The following HERC2 variants were observed in gnomAD, a reference collection of about 807,000 sequenced individuals.
HERC2 encodes the protein HECT and RLD domain containing E3 ubiquitin protein ligase 2, also known as E3 ubiquitin-protein ligase HERC2.
HERC2 carries 102 observed loss-of-function variants against 537.7 expected under a neutral mutation model. That is an observed-to-expected ratio of 0.19 (90% CI 0.16 to 0.22). The LOEUF is 0.22. Ranked by LOEUF, HERC2 falls within the 10% of genes least tolerant of loss-of-function variation. The pLI is 1.00. For synonymous variants in HERC2, 2,224 were observed against 2,466.2 expected (o/e 0.90, Z 2.91); for missense variants, 4,236 against 6,198.2 (o/e 0.68, Z 10.63).
chr15:28,173,181 C>T (rs1298425308), intron 65 of HERC2, among the ~76,000 whole-genome samples: 5 of 152,154 alleles, frequency 3.3e-5, no homozygotes, highest in East Asian at 1.9e-4. Flanking sequence ...AGAAGCTAGA[C>T]GTACACCTGC....
rs36068402 is a variant in HERC2 at position 28,129,780 on chromosome 15, C to CTTTTTTTTTTTTTTTTTTTTTT, written c.12802+382_12802+383insAAAAAAAAAAAAAAAAAAAAAA. On this transcript the variant is annotated intron_variant, in intron 83 of 92. Coordinates refer to ENST00000261609, the MANE Select transcript of HERC2 (RefSeq NM_004667.6). ...AGGACACAGTATAAGCCTCTGCCTC[C>CTTTTTTTTTTTTTTTTTTTTTT]TTTTTTTTTTTTTTTTTGAGACAGT... Among the ~76,000 whole-genome samples, 2 of 143,552 alleles carry CTTTTTTTTTTTTTTTTTTTTTT rather than the reference C, an allele frequency of 1.4e-5. 1 individual carries two copies. Among genetic ancestry groups the CTTTTTTTTTTTTTTTTTTTTTT allele is most frequent in the Non-Finnish European group, 3.0e-5 (2 of 65,892 alleles). The allele number at this position is 143,552 out of a possible 152,430, so 94.2% of individuals were successfully genotyped here. A position where few individuals can be genotyped will look rare whatever the true frequency, so the allele number is the denominator to read the frequency against.
At chr15:28,169,382 TACA>T in intron 66 of HERC2, 99 bp downstream of exon 66, 1 of 818,578 alleles carries the variant, frequency 1.2e-6, no homozygotes, top group South Asian at 1.9e-5. Flanking sequence ...AAGACAATAA[TACA>T]ACATTCTTGG....
At chr15:28,309,530 C>A (rs1435614411) in intron 2 of HERC2, among the ~76,000 whole-genome samples, 2 of 152,194 alleles carry the variant, frequency 1.3e-5, no homozygotes, top group African/African-American at 4.8e-5. Flanking sequence ...TCCCCCCGCA[C>A]CGTCCTGAAG....
chr15:28,263,794 G>A (rs992740417), intron 14 of HERC2, among the ~76,000 whole-genome samples: 1 of 152,052 alleles, frequency 6.6e-6, no homozygotes, highest in Non-Finnish European at 1.5e-5. Context: ...AACTTTGGGA[G>A]GCCAAGGCGG....
intron 37 of HERC2, 102 bp from the exon 38 acceptor site, chr15:28,218,773 G>T: frequency 9.5e-7 from 1 of 1,056,422 alleles, no homozygotes; most frequent in South Asian, 1.3e-5. Flanking sequence ...TTGTTTTATT[G>T]AAGACTTGAA....
intron 69 of HERC2, among the ~76,000 whole-genome samples, chr15:28,158,180 T>C (rs1302441099): frequency 6.6e-6 from 1 of 152,196 alleles, no homozygotes; most frequent in South Asian, 2.1e-4. Flanking sequence ...TTGGAGTAAG[T>C]GCGGTGTGGT....
chr15:28,246,699 T>C, intron 22 of HERC2, 43 bp downstream of exon 22: 2 of 1,477,674 alleles, frequency 1.4e-6, no homozygotes, highest in Non-Finnish European at 1.8e-6. Context: ...CTTTCATCTA[T>C]CTCCTAAAAT....
At chr15:28,155,290 A>T (rs1473485082) in intron 69 of HERC2, among the ~76,000 whole-genome samples, 2 of 152,040 alleles carry the variant, frequency 1.3e-5, no homozygotes, top group African/African-American at 2.4e-5. Flanking sequence ...CAGTAATGGG[A>T]TGGCTGGGTC....
At chr15:28,227,574 T>A (rs1439169284) in intron 35 of HERC2, among the ~76,000 whole-genome samples, 4 of 152,054 alleles carry the variant, frequency 2.6e-5, no homozygotes, top group Admixed American at 6.6e-5. Context: ...TATGGCACTG[T>A]GGAAAACTTT....
chr15:28,236,296 G>A (rs2346097), intron 26 of HERC2, among the ~76,000 whole-genome samples: 14 of 151,494 alleles, frequency 9.2e-5, no homozygotes, highest in African/African-American at 2.7e-4. Context: ...TGTTGAATCC[G>A]CCTCTCCTTT....
chr15:28,125,868 T>C (rs1442794467), intron 83 of HERC2, among the ~76,000 whole-genome samples: 1 of 152,168 alleles, frequency 6.6e-6, no homozygotes, highest in East Asian at 1.9e-4. Flanking sequence ...TGGAATGCAG[T>C]GGTGCGATCT....
Position 28,248,700 on chromosome 15 carries a change from A to T in HERC2, c.3087T>A (p.Asp1029Glu). 1 of 1,614,166 alleles carries T rather than the reference A, an allele frequency of 6.2e-7. No individual in the cohort carries two copies. The highest frequency in any genetic ancestry group is 8.5e-7 in the Non-Finnish European group (1 of 1,179,982). ...GACATGATGAAATCCGACGGGCAAC[A>T]TCTTTCAATCTGGCTACAGTCTGAG... ...IASQTVARLK[D>E]VARRISSCLD... The change falls in exon 21 of 93, where the codon GAT (aspartate) becomes GAA (glutamate). Residue 1029 changes from aspartate (D) to glutamate (E), a missense_variant. Physicochemically the swap from Asp to Glu is conservative, Grantham distance 45 (BLOSUM62 2). Coordinates refer to ENST00000261609, the MANE Select transcript of HERC2 (RefSeq NM_004667.6).
In HERC2 at chr15:28,192,084, G is replaced by A. The variant is rs1280009737; in HGVS notation, c.8328C>T (p.Gly2776=). ...QLKRCHSSQP[G]MLLDSWSRMV... ...TGCGGGACCAGCTGTCCAGCAGCAT[G>A]CCTGGCTGGCTGCTGTGGCAACGCT... Residue 2776 remains glycine (G), a synonymous_variant, in exon 53 of 93, where the codon GGC becomes GGT. Coordinates refer to ENST00000261609, the MANE Select transcript of HERC2 (RefSeq NM_004667.6). 1 of 1,614,016 alleles carries A rather than the reference G, an allele frequency of 6.2e-7. No homozygotes were observed. The highest frequency in any genetic ancestry group is 8.5e-7 in the Non-Finnish European group (1 of 1,179,990).
At chr15:28,137,290 C>T (rs1032478754) in intron 78 of HERC2, among the ~76,000 whole-genome samples, 3 of 152,278 alleles carry the variant, frequency 2.0e-5, no homozygotes, top group Non-Finnish European at 2.9e-5. Context: ...GCCTCTGATA[C>T]GGTTCACAAT....
At chr15:28,313,204 T>TC (rs2076992694) in intron 2 of HERC2, among the ~76,000 whole-genome samples, 1 of 138,746 alleles carries the variant, frequency 7.2e-6, no homozygotes, top group Non-Finnish European at 1.6e-5. Flanking sequence ...TTTTTTTTTT[T>TC]TTTTTTTGAG....
Position 28,117,130 on chromosome 15 carries a change from C to A in HERC2, c.13297G>T (p.Gly4433Trp). Residue 4433 changes from glycine to tryptophan, a missense_variant, in exon 87 of 93, where the codon GGG becomes TGG. Transcript: ENST00000261609. ...TTGGTGCCGTCGGGGCCGGCCAGCC[C>A]GCCTTTGCTCCTTGATCGTTTGACC... ...IQVKRSRSKG[G>W]LAGPDGTKSV... 1 of 1,613,984 alleles carries A rather than the reference C, an allele frequency of 6.2e-7. No individual in the cohort carries two copies. Among genetic ancestry groups the A allele is most frequent in the Non-Finnish European group, 8.5e-7 (1 of 1,179,984 alleles).
At position 28,294,600 on chromosome 15, in the gene HERC2, C is replaced by T. The variant is rs2346049; in HGVS notation, c.188-1578G>A. ...CCAAAGCCAAACAACCTCCTTATCG[C>T]GGAAACCCGACCCCAGCCTGCTCAT... On this transcript the variant is annotated intron_variant, in intron 3 of 92. Transcript: ENST00000261609. Among the ~76,000 whole-genome samples, 670 of 151,038 alleles carry T rather than the reference C, an allele frequency of 4.4e-3. 2 individuals are homozygous for T. Among genetic ancestry groups the T allele is most frequent in the African/African-American group, 0.015 (637 of 41,194 alleles).
At chr15:28,123,963 G>A in intron 85 of HERC2, 74 bp downstream of exon 85, 1 of 1,219,502 alleles carries the variant, frequency 8.2e-7, no homozygotes, top group East Asian at 2.6e-5. Flanking sequence ...TCTATTCCCA[G>A]TATAGGAATT....
At chr15:28,204,968 G>A (rs1036133176) in intron 45 of HERC2, among the ~76,000 whole-genome samples, 22 of 152,100 alleles carry the variant, frequency 1.4e-4, no homozygotes, top group African/African-American at 5.3e-4. Context: ...AATTTGGTAG[G>A]GGAACAAAAA....
Sources: allele counts gnomAD v4.1 joint callset (sites outside exome capture counted in the v4.1 genomes callset), GRCh38; gene constraint gnomAD v4.1.1; transcripts MANE v1.5; gene names NCBI Gene and HGNC (gene_info 2026-07-23, HGNC 2026-07-21).